Variants in KNG1 observed in about 807,000 individuals in gnomAD.
KNG1 encodes the protein kininogen 1, also known as kininogen-1.
KNG1 carries 23 observed loss-of-function variants against 47.8 expected under a neutral mutation model. The observed-to-expected ratio is 0.48, with a 90% CI of 0.35 to 0.68. KNG1 has a LOEUF of 0.68. KNG1 is among the 30% of genes least tolerant of loss of function. The pLI is 0.01. For missense variants in KNG1, 762 were observed against 790.2 expected (o/e 0.96, Z 0.43); for synonymous variants, 277 against 277.0 (o/e 1.00, Z 0.00).
rs779550579 is a variant in KNG1 at position 186,741,791 on chromosome 3, C to T, written c.1395C>T (p.His465=). 75 of 1,613,770 alleles carry T rather than the reference C, an allele frequency of 4.6e-5. No homozygotes were observed. In the East Asian group the frequency reaches 7.1e-4, roughly 15 times the overall value. The part of the protein sequence containing the change: ...HQRGHGLGHG[H]EQQHGLGHGH... ...GAGGACATGGCCTTGGCCATGGACA[C>T]GAACAACAGCATGGTCTTGGTCATG... The change falls in exon 10 of 10, where the codon CAC becomes CAT. Residue 465 remains histidine (H), a synonymous_variant. Transcript: ENST00000644859.
intron 2 of KNG1, 51 bp downstream of exon 2, chr3:186,720,266 C>T (rs1345341710): frequency 8.3e-7 from 1 of 1,205,200 alleles, no homozygotes; most frequent in Admixed American, 1.8e-5. Flanking sequence ...TTGACCCTGC[C>T]AGATTTTTTT....
At chr3:186,735,904 A>G (rs1720660725) in intron 7 of KNG1, 1 of 152,252 alleles carries the variant, frequency 6.6e-6, no homozygotes, top group South Asian at 2.1e-4. Context: ...CAACCTCCCA[A>G]GTAGCTGGGA....
At chr3:186,731,724 G>C in intron 6 of KNG1, 95 bp downstream of exon 6, 1 of 773,952 alleles carries the variant, frequency 1.3e-6, no homozygotes, top group Non-Finnish European at 2.3e-6. Context: ...TGGTTCCCGT[G>C]ATATACTCCA....
At position 186,743,990 on chromosome 3, in the gene KNG1, C is replaced by T; in HGVS notation, c.*1659C>T. The T allele has an allele frequency of 1.7e-6, 1 of 602,748 alleles. No homozygotes were observed. The highest frequency in any genetic ancestry group is 1.8e-5 in the South Asian group (1 of 54,770). 37.3% of individuals were successfully genotyped at this position (602,748 alleles called of 1,614,324 possible). On this transcript the variant is annotated 3_prime_UTR_variant, in exon 10 of 10. Transcript: ENST00000644859. The stretch of plus-strand genomic sequence containing the variant: ...TCTCCTTTCAGCCCTACCCATTCTG[C>T]AGCAAATTCCAGCTGGTCAGAGAGT...
intron 4 of KNG1, 58 bp downstream of exon 4, chr3:186,725,318 A>G: frequency 6.6e-7 from 1 of 1,510,838 alleles, no homozygotes; most frequent in South Asian, 1.1e-5. Flanking sequence ...AGATCTTTAC[A>G]TTTAAAATGT....
At position 186,743,878 on chromosome 3, in the gene KNG1, T is replaced by A; in HGVS notation, c.*1547T>A. On this transcript the variant is annotated 3_prime_UTR_variant, in exon 10 of 10. Transcript: ENST00000644859. Reference sequence around the variant, plus strand: ...GGACAAGAAGAAAGATGGGATAGAATTTAAATAGAGAAGAATGCCATTTTA... The same window carrying A: ...GGACAAGAAGAAAGATGGGATAGAAATTAAATAGAGAAGAATGCCATTTTA... 2 of 889,008 alleles carry A rather than the reference T, an allele frequency of 2.2e-6. No homozygotes were observed. Among genetic ancestry groups the A allele is most frequent in the South Asian group, 2.7e-5 (2 of 74,288 alleles). The allele number at this position is 889,008 out of a possible 1,614,324, so 55.1% of individuals were successfully genotyped here.
chr3:186,738,846 C>CAA (rs750081275), intron 7 of KNG1: 98 of 315,462 alleles, frequency 3.1e-4, no homozygotes, highest in Middle Eastern at 1.0e-3. Context: ...AACTCCATCT[C>CAA]AAAAAAAAAA....
rs1560071879 is a variant in KNG1, at chr3:186,742,478, G to A, written c.*147G>A. On this transcript the variant is annotated 3_prime_UTR_variant, in exon 10 of 10. Transcript: ENST00000644859. ...AAAGAGAAGTGGTGAGACTCCCAGT[G>A]GAGACACCATCAGTCTCCACGGACT... The A allele has an allele frequency of 2.0e-6, 3 of 1,480,610 alleles. No homozygotes were observed. Among genetic ancestry groups the A allele is most frequent in the Non-Finnish European group, 2.7e-6 (3 of 1,123,730 alleles). 91.7% of individuals were successfully genotyped at this position (1,480,610 alleles called of 1,614,324 possible).
chr3:186,725,939 G>T (rs539955182), intron 4 of KNG1, among the ~76,000 whole-genome samples: 2 of 148,134 alleles, frequency 1.4e-5, no homozygotes, highest in African/African-American at 2.5e-5. Flanking sequence ...GTATATATCC[G>T]TAATTTTTTT....
rs528569560 is a variant in KNG1, at chr3:186,742,140, C to A, written c.1744C>A (p.Gln582Lys). The change falls in exon 10 of 10, where the codon CAG becomes AAG. Residue 582 changes from glutamine (Q) to lysine (K), a missense_variant. Gln to Lys is a moderately conservative substitution (Grantham distance 53). Coordinates refer to ENST00000644859, the MANE Select transcript of KNG1 (RefSeq NM_001102416.3). Reference sequence around the variant, plus strand: ...GCCTCCTATATCACCAGCTCCCATACAGAGTGATGACGATTGGATCCCTGA... The same window carrying A: ...GCCTCCTATATCACCAGCTCCCATAAAGAGTGATGACGATTGGATCCCTGA... The part of the protein sequence containing the change: ...MMPPISPAPI[Q>K]SDDDWIPDIQ... 3.7e-6 allele frequency: 6 copies of A among 1,614,186 alleles called. No individual in the cohort carries two copies. Among genetic ancestry groups the A allele is most frequent in the Middle Eastern group, 1.6e-4 (1 of 6,062 alleles).
chr3:186,738,807 C>T (rs35025634), intron 7 of KNG1: 3 of 333,658 alleles, frequency 9.0e-6, no homozygotes, highest in Non-Finnish European at 1.7e-5. Context: ...GATCGTGCCA[C>T]TGCACTCCAG....
At chr3:186,719,320 C>T (rs954692204) in intron 1 of KNG1, among the ~76,000 whole-genome samples, 1 of 152,080 alleles carries the variant, frequency 6.6e-6, no homozygotes, top group Non-Finnish European at 1.5e-5. Flanking sequence ...AATAAAAGTA[C>T]TAAAATCACC....
intron 2 of KNG1, 133 bp from the exon 3 acceptor site, chr3:186,722,304 A>C: frequency 1.4e-6 from 1 of 729,288 alleles, no homozygotes; most frequent in South Asian, 1.6e-5. Flanking sequence ...TCATGTCTCA[A>C]AACTCTTTTG....
At chr3:186,737,815 C>A (rs1460483529) in intron 7 of KNG1, among the ~76,000 whole-genome samples, 1 of 152,066 alleles carries the variant, frequency 6.6e-6, no homozygotes, top group Non-Finnish European at 1.5e-5. Flanking sequence ...CCGCCTCAGG[C>A]CCCCAAAGTG....
chr3:186,732,741 C>A, intron 7 of KNG1, 67 bp downstream of exon 7: 1 of 1,306,328 alleles, frequency 7.7e-7, no homozygotes, highest in Non-Finnish European at 1.1e-6. Context: ...CTAATTTTGC[C>A]ACTGATCTTG....
At chr3:186,720,264 GC>G in intron 2 of KNG1, 49 bp downstream of exon 2, 1 of 1,238,216 alleles carries the variant, frequency 8.1e-7, no homozygotes, top group Non-Finnish European at 1.2e-6. Context: ...CGTTGACCCT[GC>G]CAGATTTTTT....
In KNG1 at chr3:186,730,655, C is replaced by CA. The variant is rs869232105; in HGVS notation, c.673-861dup. 1.9e-3 allele frequency among the ~76,000 whole-genome samples: 154 copies of CA among 80,106 alleles called. 6 individuals carry two copies. Among genetic ancestry groups the CA allele is most frequent in the East Asian group, 3.9e-3 (9 of 2,302 alleles). 52.6% of individuals were successfully genotyped at this position (80,106 alleles called of 152,430 possible). A position where few individuals can be genotyped will look rare whatever the true frequency, so the allele number is the denominator to read the frequency against. On this transcript the variant is annotated intron_variant, in intron 5 of 9. Transcript: ENST00000644859. Reference sequence around the variant, plus strand: ...TTGGCGACAAAGAGAGACTCCATCACAAAAAAAAAAAAAAAAAAAAAAAAA... The same window carrying CA: ...TTGGCGACAAAGAGAGACTCCATCACAAAAAAAAAAAAAAAAAAAAAAAAAA...
intron 7 of KNG1, chr3:186,738,840 C>T: frequency 2.7e-6 from 1 of 371,402 alleles, no homozygotes; most frequent in Non-Finnish European, 5.0e-6. Flanking sequence ...GAGCGAAACT[C>T]CATCTCAAAA....
At chr3:186,721,011 A>G (rs1195452994) in intron 2 of KNG1, among the ~76,000 whole-genome samples, 1 of 151,764 alleles carries the variant, frequency 6.6e-6, no homozygotes, top group South Asian at 2.1e-4. Context: ...GGATGGTCTC[A>G]ATCTCCTGAC....
Sources: gnomAD v4.1 joint callset for allele counts (sites outside exome capture counted in the v4.1 genomes callset) on GRCh38, gnomAD v4.1.1 for gene constraint, MANE v1.5 for transcripts, NCBI Gene and HGNC (gene_info 2026-07-23, HGNC 2026-07-21) for gene names.